OSBPL10: variants seen among roughly 807,000 people sequenced by gnomAD.
The protein encoded by OSBPL10 is oxysterol-binding protein-related protein 10.
In OSBPL10, 49 loss-of-function variants were observed where a neutral mutation model predicts 81.7. The observed-to-expected ratio is 0.60, with a 90% confidence interval of 0.48 to 0.76. The LOEUF (loss-of-function observed/expected upper bound fraction) is 0.76. OSBPL10 is among the 30% of genes least tolerant of loss of function. OSBPL10 has a pLI of 0.00. For synonymous variants in OSBPL10, 419 were observed against 383.6 expected (o/e 1.09, Z -1.08); for missense variants, 923 against 987.8 (o/e 0.93, Z 0.88).
At chr3:31,758,932 T>C (rs375178344) in intron 4 of OSBPL10, among the ~76,000 whole-genome samples, 1 of 152,294 alleles carries the variant, frequency 6.6e-6, no homozygotes, top group East Asian at 1.9e-4. Context: ...GTCAAAATGG[T>C]CACCCTACAG....
intron 1 of OSBPL10, among the ~76,000 whole-genome samples, chr3:32,072,794 T>G (rs1340559933): frequency 6.6e-6 from 1 of 152,178 alleles, no homozygotes; most frequent in African/African-American, 2.4e-5. Flanking sequence ...GGGTAGACAC[T>G]TTCACTGGAT....
At chr3:31,775,689 A>G (rs571333848) in intron 4 of OSBPL10, among the ~76,000 whole-genome samples, 1 of 152,078 alleles carries the variant, frequency 6.6e-6, no homozygotes, top group Non-Finnish European at 1.5e-5. Context: ...GACGGTGGGG[A>G]ACACAGTGTG....
chr3:31,990,719 T>A lies in OSBPL10; in HGVS notation n.298+55772A>T, dbSNP rs781139418. On this transcript the variant is annotated intron_variant and non_coding_transcript_variant, in intron 2 of 3. Transcript: ENST00000479173. ...AAATGTGAAGAATGTGACACAGTTT[T>A]CAGTCGCAAATCACACCATGAAACA... The A allele has an allele frequency of 3.1e-6, 5 of 1,613,970 alleles. No homozygotes were observed. The African/African-American group carries it at 6.7e-5, about 22-fold the overall frequency.
chr3:31,855,316 G>A (rs1033294404), intron 3 of OSBPL10, among the ~76,000 whole-genome samples: 3 of 152,262 alleles, frequency 2.0e-5, no homozygotes, highest in African/African-American at 7.2e-5. Flanking sequence ...CGCCATGCTC[G>A]GTGAGTTGTC....
intron 4 of OSBPL10, among the ~76,000 whole-genome samples, chr3:31,793,700 G>A (rs1699094682): frequency 6.6e-6 from 1 of 152,164 alleles, no homozygotes; most frequent in Admixed American, 6.5e-5. Context: ...AAAAGCAACT[G>A]TAATTAAATT....
At chr3:32,006,604 G>C (rs1171119629) in intron 2 of OSBPL10, among the ~76,000 whole-genome samples, 1 of 151,990 alleles carries the variant, frequency 6.6e-6, no homozygotes, top group Non-Finnish European at 1.5e-5. Context: ...ATTGGATCTT[G>C]GTTGATCTGA....
intron 1 of OSBPL10, among the ~76,000 whole-genome samples, chr3:31,950,526 T>C (rs140898910): frequency 3.0e-4 from 45 of 152,330 alleles, no homozygotes; most frequent in African/African-American, 1.1e-3. Flanking sequence ...AACTGGCACA[T>C]CCACTTTAGA....
intron 3 of OSBPL10, among the ~76,000 whole-genome samples, chr3:31,840,009 T>G (rs1700454915): frequency 6.6e-6 from 1 of 150,874 alleles, no homozygotes; most frequent in Non-Finnish European, 1.5e-5. Context: ...ATAATTTTCA[T>G]CATAAAATTA....
intron 2 of OSBPL10, among the ~76,000 whole-genome samples, chr3:31,998,749 T>C (rs1699116348): frequency 6.6e-6 from 1 of 152,368 alleles, no homozygotes. Flanking sequence ...CTCCTATTCC[T>C]GCATTTTCCT....
At position 32,024,560 on chromosome 3, in the gene OSBPL10, G is replaced by A. The variant is rs1430597689; in HGVS notation, n.298+21931C>T. 6.5e-5 allele frequency among the ~76,000 whole-genome samples: 9 copies of A among 138,276 alleles called. No individual in the cohort carries two copies. In the South Asian group the frequency reaches 7.0e-4, roughly 11 times the overall value. The allele number at this position is 138,276 out of a possible 152,430, so 90.7% of individuals were successfully genotyped here. The stretch of plus-strand genomic sequence containing the variant: ...GGCTGGAGTGCGATGGCATGATCTC[G>A]GCTCACTGCAACCTCCACCTCCCAG... On this transcript the variant is annotated intron_variant and non_coding_transcript_variant, in intron 2 of 3. Coordinates refer to the OSBPL10 transcript ENST00000479173.
chr3:31,858,556 A>C (rs1318502997), intron 3 of OSBPL10, among the ~76,000 whole-genome samples: 1 of 152,096 alleles, frequency 6.6e-6, no homozygotes, highest in African/African-American at 2.4e-5. Context: ...AATCCTCACC[A>C]CAGCATACAA....
intron 1 of OSBPL10, among the ~76,000 whole-genome samples, chr3:31,899,397 T>TG (rs113540336): frequency 0.069 from 10,082 of 146,528 alleles, 503 homozygotes; most frequent in East Asian, 0.25. Context: ...CAAGATGGGG[T>TG]GGGGTGGAAA....
At chr3:31,952,179 T>C (rs1697888442) in intron 1 of OSBPL10, among the ~76,000 whole-genome samples, 1 of 151,660 alleles carries the variant, frequency 6.6e-6, no homozygotes, top group African/African-American at 2.4e-5. Flanking sequence ...CAAATGCAAA[T>C]AAAGAATCCT....
chr3:32,014,921 AACC>A (rs898394226), intron 2 of OSBPL10, among the ~76,000 whole-genome samples: 7 of 152,206 alleles, frequency 4.6e-5, no homozygotes, highest in African/African-American at 1.7e-4. Flanking sequence ...GAGAACTACA[AACC>A]ACTGCTCAAG....
At chr3:32,009,456 C>G (rs755802244) in intron 2 of OSBPL10, among the ~76,000 whole-genome samples, 1 of 152,150 alleles carries the variant, frequency 6.6e-6, no homozygotes, top group Non-Finnish European at 1.5e-5. Flanking sequence ...GTGTCCTTAT[C>G]TATAAAATGA....
chr3:31,950,452 C>A (rs963103513), intron 1 of OSBPL10, among the ~76,000 whole-genome samples: 1 of 152,158 alleles, frequency 6.6e-6, no homozygotes, highest in Non-Finnish European at 1.5e-5. Context: ...AGAATTCTTA[C>A]TATATCAAAA....
chr3:31,817,732 C>T (rs1255454870), intron 4 of OSBPL10, among the ~76,000 whole-genome samples: 1 of 152,172 alleles, frequency 6.6e-6, no homozygotes, highest in African/African-American at 2.4e-5. Flanking sequence ...TGGGTGACTG[C>T]AGCAGCACCC....
intron 1 of OSBPL10, among the ~76,000 whole-genome samples, chr3:31,923,885 T>G (rs565644086): frequency 1.4e-4 from 22 of 152,254 alleles, no homozygotes; most frequent in African/African-American, 5.1e-4. Flanking sequence ...TTCATGTTAT[T>G]TATAATAGCT....
intron 6 of OSBPL10, among the ~76,000 whole-genome samples, chr3:31,724,673 A>G (rs1053751365): frequency 6.6e-6 from 1 of 152,210 alleles, no homozygotes; most frequent in Non-Finnish European, 1.5e-5. Flanking sequence ...TAATCCCCCA[A>G]AACTGCACAG....
Sources: gnomAD v4.1 joint callset for allele counts (sites outside exome capture counted in the v4.1 genomes callset) on GRCh38, gnomAD v4.1.1 for gene constraint, MANE v1.5 for transcripts, NCBI Gene and HGNC (gene_info 2026-07-23, HGNC 2026-07-21) for gene names.